Variants in STX8 observed in about 807,000 individuals in gnomAD.
The protein encoded by STX8 is syntaxin-8.
STX8 carries 23 observed loss-of-function variants against 37.5 expected under a neutral mutation model. The observed-to-expected ratio is 0.61, with a 90% confidence interval of 0.44 to 0.87. The LOEUF (loss-of-function observed/expected upper bound fraction) is 0.87, where lower values mean the gene tolerates loss of function less well. Among genes scored for constraint, STX8 ranks in the 40% least tolerant of loss-of-function variants. The pLI is 0.00. For synonymous variants in STX8, 115 were observed against 99.1 expected, an observed-to-expected ratio of 1.16 and a Z score of -0.95; for missense variants, 313 against 284.7, an observed-to-expected ratio of 1.10 and a Z score of -0.71.
At chr17:9,387,587 C>G (rs888806585) in intron 6 of STX8, among the ~76,000 whole-genome samples, 2 of 152,336 alleles carry the variant, frequency 1.3e-5, no homozygotes, top group Middle Eastern at 3.4e-3. Context: ...GCCACCACGC[C>G]TGGCCAAAAA....
chr17:9,414,369 T>C (rs1225131662), intron 6 of STX8, among the ~76,000 whole-genome samples: 2 of 151,428 alleles, frequency 1.3e-5, no homozygotes, highest in South Asian at 2.1e-4. Context: ...TTTTGCAAAA[T>C]ACAACAAAAA....
chr17:9,266,801 A>G (rs1450647558), intron 7 of STX8, among the ~76,000 whole-genome samples: 1 of 152,134 alleles, frequency 6.6e-6, no homozygotes, highest in Non-Finnish European at 1.5e-5. Flanking sequence ...GGGCAGTGGG[A>G]GAAAAGAAAA....
intron 6 of STX8, among the ~76,000 whole-genome samples, chr17:9,459,930 G>A (rs1379172773): frequency 6.6e-6 from 1 of 152,190 alleles, no homozygotes; most frequent in Admixed American, 6.5e-5. Flanking sequence ...CTGCAGCTTT[G>A]CAGCATCTAG....
rs371122423 is a variant in STX8, at chr17:9,502,987, T to C, written c.448+2051A>G. Among the ~76,000 whole-genome samples the C allele has an allele frequency of 1.1e-3, 163 of 150,442 alleles. 4 individuals are homozygous for C. In the South Asian group the frequency reaches 0.033, roughly 30 times the overall value. On this transcript the variant is annotated intron_variant, in intron 5 of 7. Coordinates refer to ENST00000306357, the MANE Select transcript of STX8 (RefSeq NM_004853.3). ...TGGGCATGATGGCGGGCGCCCGTAA[T>C]CCCAGCCACTCGGGAAGCTGAGGCA...
At chr17:9,396,082 A>C (rs940480486) in intron 6 of STX8, among the ~76,000 whole-genome samples, 4 of 147,622 alleles carry the variant, frequency 2.7e-5, no homozygotes, top group Non-Finnish European at 6.1e-5. Flanking sequence ...TTGCTTACTA[A>C]GGTAACAACA....
chr17:9,295,065 C>T (rs1314548771), intron 7 of STX8, among the ~76,000 whole-genome samples: 2 of 152,184 alleles, frequency 1.3e-5, no homozygotes, highest in Non-Finnish European at 2.9e-5. Context: ...CTAAGCAACC[C>T]CGCCTGGTAT....
rs373696786 is a variant in STX8 at position 9,257,803 on chromosome 17, C to T, written c.644-7158G>A. Among the ~76,000 whole-genome samples, 836 of 152,320 alleles carry T rather than the reference C, an allele frequency of 5.5e-3. 6 individuals are homozygous for T. Among genetic ancestry groups the T allele is most frequent in the South Asian group, 0.03 (145 of 4,830 alleles). On this transcript the variant is annotated intron_variant, in intron 7 of 7. Transcript: ENST00000306357. ...AGGAGATTGAGACCAGCCTGGCCAG[C>T]ATGGCCAAACCCCGTCTCTACTAAA... is the stretch of plus-strand genomic sequence containing the variant.
chr17:9,468,918 T>C (rs1905727286), intron 6 of STX8, among the ~76,000 whole-genome samples: 1 of 152,192 alleles, frequency 6.6e-6, no homozygotes, highest in Non-Finnish European at 1.5e-5. Context: ...ATCCCATCAG[T>C]GCTCCTCATA....
At chr17:9,489,022 G>A (rs1463243354) in intron 6 of STX8, among the ~76,000 whole-genome samples, 3 of 152,018 alleles carry the variant, frequency 2.0e-5, no homozygotes, top group Non-Finnish European at 2.9e-5. Context: ...GACTACAGGC[G>A]CCTGCCACCA....
At chr17:9,571,410 C>A (rs1018319019) in intron 1 of STX8, among the ~76,000 whole-genome samples, 3 of 151,890 alleles carry the variant, frequency 2.0e-5, no homozygotes, top group Admixed American at 1.3e-4. Flanking sequence ...GAACCCTTGG[C>A]CTGGGGCAAT....
intron 7 of STX8, among the ~76,000 whole-genome samples, chr17:9,310,073 TA>T (rs1909137730): frequency 6.6e-6 from 1 of 152,006 alleles, no homozygotes; most frequent in African/African-American, 2.4e-5. Context: ...AGAAAAAGTC[TA>T]GGAAAGTAAC....
intron 6 of STX8, among the ~76,000 whole-genome samples, chr17:9,410,972 A>T (rs1912959833): frequency 6.6e-6 from 1 of 152,244 alleles, no homozygotes; most frequent in African/African-American, 2.4e-5. Flanking sequence ...GCACTGTGTT[A>T]GGTGCTAATT....
chr17:9,547,627 C>CAAAAAAAA (rs11377271), intron 3 of STX8, among the ~76,000 whole-genome samples: 23 of 53,268 alleles, frequency 4.3e-4, no homozygotes, highest in East Asian at 6.5e-4. Flanking sequence ...GACTCCGTCT[C>CAAAAAAAA]AAAAAAAAAA....
At chr17:9,479,446 A>G (rs143727656) in intron 6 of STX8, among the ~76,000 whole-genome samples, 1,890 of 151,810 alleles carry the variant, frequency 0.012, 31 homozygotes, top group African/African-American at 0.043. Context: ...AGGTAGGAGA[A>G]TCGCTTGAAC....
chr17:9,268,649 T>C (rs1049275051), intron 7 of STX8, among the ~76,000 whole-genome samples: 3 of 152,102 alleles, frequency 2.0e-5, no homozygotes, highest in Non-Finnish European at 2.9e-5. Flanking sequence ...ATTTTCGGAG[T>C]TGGCTGTTAG....
At chr17:9,318,726 G>A (rs184371254) in intron 7 of STX8, among the ~76,000 whole-genome samples, 109 of 152,314 alleles carry the variant, frequency 7.2e-4, no homozygotes, top group Admixed American at 1.8e-3. Flanking sequence ...TATCAAGCAT[G>A]AGGATGGTAT....
intron 7 of STX8, among the ~76,000 whole-genome samples, chr17:9,267,974 A>G (rs912584237): frequency 6.7e-6 from 1 of 149,702 alleles, no homozygotes; most frequent in Non-Finnish European, 1.5e-5. Context: ...CTGGGGAACA[A>G]GAGTGAAACT....
At chr17:9,345,623 T>G (rs1261012961) in intron 7 of STX8, among the ~76,000 whole-genome samples, 1 of 151,672 alleles carries the variant, frequency 6.6e-6, no homozygotes, top group Non-Finnish European at 1.5e-5. Flanking sequence ...TACAAAGTAA[T>G]GTTTTAGTAT....
chr17:9,383,697 A>G (rs1179640095), intron 6 of STX8, among the ~76,000 whole-genome samples: 1 of 152,232 alleles, frequency 6.6e-6, no homozygotes, highest in Non-Finnish European at 1.5e-5. Context: ...TGCAGATGAC[A>G]TGATTGTACA....
Sources: allele counts gnomAD v4.1 joint callset (sites outside exome capture counted in the v4.1 genomes callset), GRCh38; gene constraint gnomAD v4.1.1; transcripts MANE v1.5; gene names NCBI Gene and HGNC (gene_info 2026-07-23, HGNC 2026-07-21).